AMMECR1: variants seen among roughly 807,000 people sequenced by gnomAD.
AMMECR1 encodes the protein nuclear protein AMMECR1.
Under a neutral mutation model 22.5 loss-of-function variants are expected in AMMECR1, and 3 were observed. The observed-to-expected ratio is 0.13, with a 90% CI of 0.06 to 0.35. AMMECR1 has a LOEUF of 0.35. Ranked by LOEUF, AMMECR1 falls within the 10% of genes least tolerant of loss-of-function variation. The pLI, the probability that AMMECR1 is intolerant of heterozygous loss-of-function variation, is 1.00. For missense variants in AMMECR1, 235 were observed against 278.7 expected (o/e 0.84, Z 1.12); for synonymous variants, 130 against 116.7 (o/e 1.11, Z -0.74).
At chrX:110,330,032 T>C (rs1254747725) in intron 2 of AMMECR1, among the ~76,000 whole-genome samples, 1 of 111,651 alleles carries the variant, frequency 9.0e-6, no homozygotes, top group Non-Finnish European at 1.9e-5. Flanking sequence ...AATCACAAAA[T>C]TGAGCTGATT....
rs574108290 is a variant in AMMECR1, at chrX:110,211,802, G to A, written c.699+4716C>T. ...ACTAGGACAATAAGTACATCATGAT[G>A]TGGGCAATGATCAGTTATTCTTGGA... On this transcript the variant is annotated intron_variant, in intron 3 of 5. Coordinates refer to ENST00000262844, the MANE Select transcript of AMMECR1 (RefSeq NM_015365.3). Among the ~76,000 whole-genome samples the A allele has an allele frequency of 6.3e-5, 7 of 111,730 alleles. No individual in the cohort carries two copies. The South Asian group carries it at 2.6e-3, about 42-fold the overall frequency.
At chrX:110,323,187 C>T (rs1196780823) in intron 2 of AMMECR1, among the ~76,000 whole-genome samples, 8 of 112,464 alleles carry the variant, frequency 7.1e-5, no homozygotes, top group African/African-American at 2.6e-4. Context: ...CCATGCTACA[C>T]TCTGCTCTGT....
At chrX:110,337,180 G>T (rs2068144661) in intron 2 of AMMECR1, among the ~76,000 whole-genome samples, 1 of 111,033 alleles carries the variant, frequency 9.0e-6, no homozygotes, top group Non-Finnish European at 1.9e-5. Context: ...TTCCTCATCT[G>T]CAGAGATGGG....
chrX:110,377,680 T>C (rs17003969), intron 2 of AMMECR1, among the ~76,000 whole-genome samples: 12,540 of 111,147 alleles, frequency 0.11, 1,239 homozygotes, highest in African/African-American at 0.32. Context: ...TTTCACTAGA[T>C]TGCATAAGCC....
chrX:110,221,115 G>T (rs2067497841), intron 2 of AMMECR1, among the ~76,000 whole-genome samples: 1 of 112,214 alleles, frequency 8.9e-6, no homozygotes, highest in Admixed American at 9.4e-5. Flanking sequence ...TATTATTCAG[G>T]ACAAGGAAGT....
intron 2 of AMMECR1, among the ~76,000 whole-genome samples, chrX:110,336,671 C>G (rs1181613729): frequency 9.0e-6 from 1 of 110,606 alleles, no homozygotes; most frequent in African/African-American, 3.3e-5. Flanking sequence ...ACTCAGATCA[C>G]CTGGGCAACA....
Position 110,195,365 on chromosome X carries a change from T to A in AMMECR1, c.*3155A>T, listed in dbSNP as rs1443883863. 1 of 111,058 alleles carries A rather than the reference T, an allele frequency of 9.0e-6. No individual in the cohort carries two copies. Among genetic ancestry groups the A allele is most frequent in the Non-Finnish European group, 1.9e-5 (1 of 52,962 alleles). The allele number at this position is 111,058 out of a possible 1,213,427, so 9.2% of individuals were successfully genotyped here. A position where few individuals can be genotyped will look rare whatever the true frequency, so the allele number is the denominator to read the frequency against. Reference sequence around the variant, plus strand: ...ATTCTCGTGCAGTCAGAAGGCCACTTGAGGGGTGGGGGACAATTTGTTCTT... The same window carrying A: ...ATTCTCGTGCAGTCAGAAGGCCACTAGAGGGGTGGGGGACAATTTGTTCTT... On this transcript the variant is annotated 3_prime_UTR_variant, in exon 6 of 6. Transcript: ENST00000262844.
intron 2 of AMMECR1, among the ~76,000 whole-genome samples, chrX:110,230,901 C>G (rs1396384457): frequency 8.9e-6 from 1 of 111,739 alleles, no homozygotes; most frequent in Non-Finnish European, 1.9e-5. Flanking sequence ...GCTTCAAGAG[C>G]CGATTCAATC....
intron 2 of AMMECR1, among the ~76,000 whole-genome samples, chrX:110,393,397 C>A (rs2068507965): frequency 1.8e-5 from 2 of 111,902 alleles, no homozygotes; most frequent in African/African-American, 6.5e-5. Context: ...CATCTCTGAT[C>A]CTCACAACAG....
In AMMECR1 at chrX:110,296,934, A is replaced by T. The variant is rs776851964; in HGVS notation, c.473+20665T>A. On this transcript the variant is annotated intron_variant, in intron 1 of 5. Coordinates refer to ENST00000262844, the MANE Select transcript of AMMECR1 (RefSeq NM_015365.3). ...GTGCCATAGTTTACTGTTGGTTTTA[A>T]TTTTTTTTAGTTGAAAACTAGACAT... Among the ~76,000 whole-genome samples, 416 of 110,574 alleles carry T rather than the reference A, an allele frequency of 3.8e-3. 2 individuals carry two copies. Among genetic ancestry groups the T allele is most frequent in the African/African-American group, 0.013 (400 of 30,487 alleles).
Position 110,281,693 on chromosome X carries a change from G to A in AMMECR1, c.474-17094C>T, listed in dbSNP as rs759388606. Among the ~76,000 whole-genome samples the A allele has an allele frequency of 7.1e-5, 8 of 112,375 alleles. No individual in the cohort carries two copies. In the East Asian group the frequency reaches 2.2e-3, roughly 31 times the overall value. On this transcript the variant is annotated intron_variant, in intron 1 of 5. Coordinates refer to ENST00000262844, the MANE Select transcript of AMMECR1 (RefSeq NM_015365.3). Reference sequence around the variant, plus strand: ...ACTGCACAGGGATGTCAGAGACAATGTTCCTTTCCTGGGCCATCTTCTCAA... The same window carrying A: ...ACTGCACAGGGATGTCAGAGACAATATTCCTTTCCTGGGCCATCTTCTCAA...
chrX:110,358,975 G>A (rs927312367), intron 2 of AMMECR1: 1 of 111,773 alleles, frequency 8.9e-6, no homozygotes, highest in Non-Finnish European at 1.9e-5. Context: ...TATATGCTAG[G>A]CACTGGTCTG....
chrX:110,382,046 A>T (rs747101983), intron 2 of AMMECR1, among the ~76,000 whole-genome samples: 3 of 111,911 alleles, frequency 2.7e-5, no homozygotes, highest in Non-Finnish European at 5.6e-5. Flanking sequence ...TTTTAGACAG[A>T]TTAATCTAAT....
chrX:110,286,445 G>A (rs776803377), intron 1 of AMMECR1, among the ~76,000 whole-genome samples: 2 of 109,967 alleles, frequency 1.8e-5, no homozygotes, highest in South Asian at 4.0e-4. Flanking sequence ...CCAGGCAGCC[G>A]GATCACTTGA....
chrX:110,291,389 G>A (rs760551719), intron 1 of AMMECR1, among the ~76,000 whole-genome samples: 1 of 110,952 alleles, frequency 9.0e-6, no homozygotes, highest in East Asian at 2.8e-4. Context: ...TAGCCGGCGT[G>A]GTGGTGCGCA....
chrX:110,401,852 C>T (rs768342857), intron 2 of AMMECR1, among the ~76,000 whole-genome samples: 25 of 112,387 alleles, frequency 2.2e-4, no homozygotes, highest in African/African-American at 7.4e-4. Flanking sequence ...AACACACTTA[C>T]GGTGTCCAGT....
chrX:110,248,229 A>G (rs1029917351), intron 2 of AMMECR1, among the ~76,000 whole-genome samples: 3 of 110,252 alleles, frequency 2.7e-5, no homozygotes, highest in African/African-American at 9.9e-5. Flanking sequence ...TACAAAAATT[A>G]TAAAAATTTT....
upstream of AMMECR1, among the ~76,000 whole-genome samples, chrX:110,319,215 C>A (rs1487566593): frequency 8.9e-6 from 1 of 112,163 alleles, no homozygotes; most frequent in Non-Finnish European, 1.9e-5. Flanking sequence ...TGACAATAAT[C>A]AAATGTTAAA....
chrX:110,290,836 C>T (rs1425101305), intron 1 of AMMECR1, among the ~76,000 whole-genome samples: 1 of 111,452 alleles, frequency 9.0e-6, no homozygotes, highest in Admixed American at 9.6e-5. Context: ...TCTACTACCC[C>T]GTTTTCTTCA....
Sources: gnomAD v4.1 joint callset for allele counts (sites outside exome capture counted in the v4.1 genomes callset) on GRCh38, gnomAD v4.1.1 for gene constraint, MANE v1.5 for transcripts, NCBI Gene and HGNC (gene_info 2026-07-23, HGNC 2026-07-21) for gene names.